EFHC2: variants seen among roughly 807,000 people sequenced by gnomAD.
EFHC2 encodes the protein EF-hand domain-containing family member C2.
A neutral mutation model predicts 52.7 loss-of-function variants in EFHC2; 18 were observed. The observed-to-expected ratio is 0.34, with a 90% CI of 0.24 to 0.51. The LOEUF (loss-of-function observed/expected upper bound fraction) is 0.51, where lower values mean the gene tolerates loss of function less well. Among genes scored for constraint, EFHC2 ranks in the 20% least tolerant of loss-of-function variants. The pLI is 0.97. For synonymous variants in EFHC2, 203 were observed against 204.1 expected, an observed-to-expected ratio of 0.99 and a Z score of 0.04; for missense variants, 513 against 562.5, an observed-to-expected ratio of 0.91 and a Z score of 0.89.
At chrX:44,189,857 T>C (rs1055650418) in intron 11 of EFHC2, among the ~76,000 whole-genome samples, 1 of 111,133 alleles carries the variant, frequency 9.0e-6, no homozygotes, top group Non-Finnish European at 1.9e-5. Flanking sequence ...GTGGTTTACA[T>C]CTCAGGATCT....
intron 1 of EFHC2, among the ~76,000 whole-genome samples, chrX:44,321,196 G>A (rs779947990): frequency 1.3e-3 from 149 of 111,677 alleles, no homozygotes; most frequent in African/African-American, 4.7e-3. Flanking sequence ...ACAACCCCAA[G>A]TATTTTGGCC....
In EFHC2 at chrX:44,148,058, T is replaced by C. The variant is rs1055508422; in HGVS notation, c.*737A>G. On this transcript the variant is annotated 3_prime_UTR_variant, in exon 15 of 15. Transcript: ENST00000420999. ...AAACAAACCAAAAAAAAAACAAAAA[T>C]CTCAAAATCTTCAGCTTTCACATTT... is the stretch of plus-strand genomic sequence containing the variant. 2 of 110,283 alleles carry C rather than the reference T, an allele frequency of 1.8e-5. No individual in the cohort carries two copies. Among genetic ancestry groups the C allele is most frequent in the Admixed American group, 1.9e-4 (2 of 10,297 alleles). The allele number at this position is 110,283 out of a possible 1,213,427, so 9.1% of individuals were successfully genotyped here. A position where few individuals can be genotyped will look rare whatever the true frequency, so the allele number is the denominator to read the frequency against.
At chrX:44,323,784 G>T (rs2038036543) in intron 1 of EFHC2, among the ~76,000 whole-genome samples, 1 of 111,308 alleles carries the variant, frequency 9.0e-6, no homozygotes, top group Non-Finnish European at 1.9e-5. Context: ...AAGAGAAGGG[G>T]CTGGAAAAAA....
chrX:44,224,703 G>A (rs1281523969), intron 11 of EFHC2, among the ~76,000 whole-genome samples: 1 of 112,563 alleles, frequency 8.9e-6, no homozygotes, highest in Non-Finnish European at 1.9e-5. Flanking sequence ...GGGTTCTGGA[G>A]GCATCTGGGA....
At chrX:44,210,063 A>G (rs779346219) in intron 11 of EFHC2, among the ~76,000 whole-genome samples, 1 of 110,472 alleles carries the variant, frequency 9.1e-6, no homozygotes, top group African/African-American at 3.3e-5. Flanking sequence ...CAATGAATGT[A>G]ATGTGTTTGA....
At chrX:44,168,750 G>C (rs971686977) in intron 13 of EFHC2, among the ~76,000 whole-genome samples, 1 of 109,943 alleles carries the variant, frequency 9.1e-6, no homozygotes, top group Non-Finnish European at 1.9e-5. Context: ...GTGGCCATGC[G>C]TAAACTCTCC....
intron 3 of EFHC2, among the ~76,000 whole-genome samples, chrX:44,270,201 A>T (rs1254745913): frequency 2.7e-5 from 3 of 111,948 alleles, no homozygotes; most frequent in Admixed American, 9.5e-5. Context: ...GACACAGAAT[A>T]GGCATCCAAC....
At chrX:44,207,260 C>G (rs1311999875) in intron 11 of EFHC2, among the ~76,000 whole-genome samples, 2 of 111,729 alleles carry the variant, frequency 1.8e-5, no homozygotes, top group Non-Finnish European at 1.9e-5. Flanking sequence ...TCCTATAATC[C>G]CAACACTCTG....
chrX:44,304,214 T>C (rs1165821095), intron 2 of EFHC2, among the ~76,000 whole-genome samples: 1 of 112,122 alleles, frequency 8.9e-6, no homozygotes, highest in Non-Finnish European at 1.9e-5. Flanking sequence ...CCTAGGCCAT[T>C]AGATCCAGGG....
chrX:44,213,930 A>G lies in EFHC2; in HGVS notation c.1751+15719T>C, dbSNP rs182811338. Among the ~76,000 whole-genome samples, 9 of 111,959 alleles carry G rather than the reference A, an allele frequency of 8.0e-5. No homozygotes were observed. In the East Asian group the frequency reaches 2.5e-3, roughly 31 times the overall value. ...CTTTGAATTTTATTTTTGGTTTACA[A>G]CTATAACAGAAATGAAGAATACTTT... On this transcript the variant is annotated intron_variant, in intron 11 of 14. Coordinates refer to ENST00000420999, the MANE Select transcript of EFHC2 (RefSeq NM_025184.4).
chrX:44,188,929 C>T (rs1177110280), intron 11 of EFHC2, among the ~76,000 whole-genome samples: 4 of 108,677 alleles, frequency 3.7e-5, no homozygotes, highest in Non-Finnish European at 7.6e-5. Context: ...ACTAGCCTGG[C>T]CAACATGGTG....
chrX:44,314,880 C>A (rs1186538805), intron 1 of EFHC2, among the ~76,000 whole-genome samples: 2 of 111,165 alleles, frequency 1.8e-5, no homozygotes, highest in Non-Finnish European at 3.8e-5. Context: ...GCATAAGACT[C>A]AGCCCCTGCC....
chrX:44,228,639 T>G (rs965458664), intron 11 of EFHC2, among the ~76,000 whole-genome samples: 15 of 112,119 alleles, frequency 1.3e-4, no homozygotes, highest in African/African-American at 4.9e-4. Context: ...AAAGAACATT[T>G]TGGAGACACA....
intron 1 of EFHC2, among the ~76,000 whole-genome samples, chrX:44,330,252 T>C (rs755112056): frequency 9.1e-6 from 1 of 109,684 alleles, no homozygotes; most frequent in Non-Finnish European, 1.9e-5. Flanking sequence ...TAAAACTCCA[T>C]CTCAAAATAA....
chrX:44,252,883 G>A (rs758075066), intron 4 of EFHC2, among the ~76,000 whole-genome samples: 2 of 111,686 alleles, frequency 1.8e-5, no homozygotes, highest in South Asian at 7.7e-4. Context: ...AGCTCCCAGC[G>A]AGATCAATGC....
At chrX:44,307,364 GCTTT>G (rs2147378656) in intron 2 of EFHC2, among the ~76,000 whole-genome samples, 1 of 111,174 alleles carries the variant, frequency 9.0e-6, no homozygotes, top group South Asian at 3.8e-4. Flanking sequence ...ATTTTTTTTG[GCTTT>G]CTTCATTTTA....
chrX:44,251,004 T>A (rs1307516088), intron 4 of EFHC2, among the ~76,000 whole-genome samples: 1 of 106,557 alleles, frequency 9.4e-6, no homozygotes, highest in African/African-American at 3.4e-5. Flanking sequence ...TTTGGGAGGC[T>A]GAGGCAGGTG....
At chrX:44,266,129 G>A (rs915466017) in intron 3 of EFHC2, among the ~76,000 whole-genome samples, 1 of 110,932 alleles carries the variant, frequency 9.0e-6, no homozygotes, top group Non-Finnish European at 1.9e-5. Context: ...TGCTCCTTTT[G>A]ACTATTCTGC....
chrX:44,270,309 A>G (rs1602188216), intron 3 of EFHC2, among the ~76,000 whole-genome samples: 1 of 111,840 alleles, frequency 8.9e-6, no homozygotes, highest in African/African-American at 3.3e-5. Flanking sequence ...TCTCATGAGC[A>G]TTGAAGGAAG....
Sources: allele counts gnomAD v4.1 joint callset (sites outside exome capture counted in the v4.1 genomes callset), GRCh38; gene constraint gnomAD v4.1.1; transcripts MANE v1.5; gene names NCBI Gene and HGNC (gene_info 2026-07-23, HGNC 2026-07-21).